DOCK3: variants seen among roughly 807,000 people sequenced by gnomAD.
DOCK3 encodes dedicator of cytokinesis 3, also known as dedicator of cytokinesis protein 3.
Under a neutral mutation model 265.6 loss-of-function variants are expected in DOCK3, and 60 were observed. The ratio of observed to expected loss-of-function variants is 0.23; its 90% CI spans 0.18 to 0.28. DOCK3 has a LOEUF of 0.28. DOCK3 is among the 10% of genes least tolerant of loss of function. The pLI is 1.00. For synonymous variants in DOCK3, 881 were observed against 938.0 expected (o/e 0.94, Z 1.11); for missense variants, 1,981 against 2,594.3 (o/e 0.76, Z 5.14).
chr3:51,126,997 C>G (rs2084294250), intron 9 of DOCK3, among the ~76,000 whole-genome samples: 1 of 152,028 alleles, frequency 6.6e-6, no homozygotes, highest in Admixed American at 6.6e-5. Context: ...AGTATTAACT[C>G]ACACGATCCC....
chr3:50,849,221 G>A (rs748923590), intron 3 of DOCK3, among the ~76,000 whole-genome samples: 5 of 151,892 alleles, frequency 3.3e-5, no homozygotes, highest in Non-Finnish European at 5.9e-5. Flanking sequence ...TTTTTGTAGA[G>A]ACAGGGTCTT....
intron 5 of DOCK3, among the ~76,000 whole-genome samples, chr3:51,024,733 C>A (rs886327274): frequency 1.2e-4 from 18 of 152,192 alleles, no homozygotes; most frequent in African/African-American, 4.1e-4. Flanking sequence ...TGCAGTCATC[C>A]TGAATTGTTC....
Position 51,064,473 on chromosome 3 carries a change from A to G in DOCK3, c.341A>G (p.Lys114Arg), listed in dbSNP as rs767986650. The change falls in exon 6 of 53, where the codon AAA (lysine) becomes AGA (arginine). Residue 114 changes from lysine (K) to arginine (R), a missense_variant. This residue lies in a region of DOCK3 where 456 missense variants were observed against 539.0 expected (regional missense o/e 0.85). Coordinates refer to ENST00000266037, the MANE Select transcript of DOCK3 (RefSeq NM_004947.5). The stretch of plus-strand genomic sequence containing the variant: ...AAACACAAAGTAGATCTTTTCTACA[A>G]ACTACGCCATGTGATGAATGAACTT... Reference protein sequence around the residue: ...YVKHKVDLFYKLRHVMNELID... With the variant: ...YVKHKVDLFYRLRHVMNELID... The G allele has an allele frequency of 2.5e-6, 4 of 1,614,020 alleles. No homozygotes were observed. Among genetic ancestry groups the G allele is most frequent in the South Asian group, 2.2e-5 (2 of 91,080 alleles).
rs1358764458 is a variant in DOCK3 at position 51,347,588 on chromosome 3, G to T, written c.3916-1264G>T. ...CAGGTAGCGTGATGCCTCCAGCTTT[G>T]TTCTTTTTGCTTAGGATTGTCTTGG... On this transcript the variant is annotated intron_variant, in intron 38 of 52. Coordinates refer to ENST00000266037, the MANE Select transcript of DOCK3 (RefSeq NM_004947.5). 5.3e-5 allele frequency among the ~76,000 whole-genome samples: 8 copies of T among 152,300 alleles called. No individual in the cohort carries two copies. The East Asian group carries it at 1.5e-3, about 29-fold the overall frequency.
Position 51,330,122 on chromosome 3 carries a change from C to T in DOCK3, c.3403-16C>T, listed in dbSNP as rs1298260508. 6.3e-7 allele frequency: 1 copy of T among 1,587,154 alleles called. No homozygotes were observed. Among genetic ancestry groups the T allele is most frequent in the Non-Finnish European group, 8.6e-7 (1 of 1,166,522 alleles). Reference sequence around the variant, plus strand: ...TGAGGTCATCTCAGGTTTATGAAGTCTCTGCTTCCTTCTAGGTGGAGGCCG... The same window carrying T: ...TGAGGTCATCTCAGGTTTATGAAGTTTCTGCTTCCTTCTAGGTGGAGGCCG... On this transcript the variant is annotated splice_polypyrimidine_tract_variant and intron_variant, in intron 32 of 52. Transcript: ENST00000266037.
intron 41 of DOCK3, among the ~76,000 whole-genome samples, chr3:51,355,446 T>G (rs979277146): frequency 7.9e-5 from 12 of 152,156 alleles, no homozygotes; most frequent in Non-Finnish European, 2.9e-5. Context: ...TGTTGTCCCT[T>G]CTCTTCATCA....
intron 4 of DOCK3, among the ~76,000 whole-genome samples, chr3:50,891,211 A>G (rs945275576): frequency 3.3e-5 from 5 of 152,090 alleles, no homozygotes; most frequent in African/African-American, 1.2e-4. Flanking sequence ...CCAGCTGGCA[A>G]AGGAGACTGC....
intron 23 of DOCK3, among the ~76,000 whole-genome samples, chr3:51,269,052 CCTT>C (rs1202052202): frequency 2.0e-5 from 3 of 151,172 alleles, no homozygotes; most frequent in African/African-American, 4.9e-5. Flanking sequence ...GAGAATCAGA[CCTT>C]CTTCTTTGGT....
intron 5 of DOCK3, among the ~76,000 whole-genome samples, chr3:50,946,473 T>C (rs2076431277): frequency 6.6e-6 from 1 of 152,240 alleles, no homozygotes; most frequent in African/African-American, 2.4e-5. Context: ...GTGTATTTCA[T>C]CTTAGCTAGG....
At chr3:51,348,048 A>G (rs922002714) in intron 38 of DOCK3, among the ~76,000 whole-genome samples, 22 of 152,294 alleles carry the variant, frequency 1.4e-4, no homozygotes, top group East Asian at 3.9e-4. Context: ...GGCTGAGACA[A>G]TGGGGTTTTC....
intron 5 of DOCK3, among the ~76,000 whole-genome samples, chr3:50,985,827 A>G (rs1169406138): frequency 6.6e-6 from 1 of 151,648 alleles, no homozygotes; most frequent in South Asian, 2.1e-4. Context: ...TATTTATTAA[A>G]TTAAATTAAT....
At chr3:51,362,772 C>T in intron 49 of DOCK3, 98 bp downstream of exon 49, 3 of 1,476,450 alleles carry the variant, frequency 2.0e-6, no homozygotes, top group South Asian at 2.6e-5. Context: ...TTGAGCAGCC[C>T]TGTGACTTAG....
intron 5 of DOCK3, among the ~76,000 whole-genome samples, chr3:51,040,475 T>C (rs1465872814): frequency 6.6e-6 from 1 of 152,228 alleles, no homozygotes; most frequent in Non-Finnish European, 1.5e-5. Flanking sequence ...CAGCCAGTCA[T>C]GATCTTTTCT....
intron 5 of DOCK3, among the ~76,000 whole-genome samples, chr3:50,979,929 G>A (rs1437463539): frequency 6.6e-6 from 1 of 152,016 alleles, no homozygotes; most frequent in Non-Finnish European, 1.5e-5. Flanking sequence ...TCTGTTTCCC[G>A]ACTTGTATGC....
intron 35 of DOCK3, among the ~76,000 whole-genome samples, chr3:51,334,964 T>G (rs1188243934): frequency 6.6e-6 from 1 of 152,138 alleles, no homozygotes; most frequent in Non-Finnish European, 1.5e-5. Context: ...CACTGGCCTT[T>G]ACTCACTTCT....
At chr3:51,249,045 C>G (rs1200756861) in intron 22 of DOCK3, among the ~76,000 whole-genome samples, 1 of 148,474 alleles carries the variant, frequency 6.7e-6, no homozygotes, top group Non-Finnish European at 1.5e-5. Context: ...GCAGCCACCC[C>G]GTCTGGGAAG....
At chr3:51,367,018 A>T (rs2087241228) in intron 49 of DOCK3, among the ~76,000 whole-genome samples, 1 of 152,178 alleles carries the variant, frequency 6.6e-6, no homozygotes, top group Non-Finnish European at 1.5e-5. Flanking sequence ...TTTGGTGCAG[A>T]GCTGAGTTCA....
At chr3:50,978,853 C>T (rs916112710) in intron 5 of DOCK3, among the ~76,000 whole-genome samples, 2 of 152,168 alleles carry the variant, frequency 1.3e-5, no homozygotes, top group East Asian at 1.9e-4. Flanking sequence ...TGTGGTGTGC[C>T]GTTTTTTAAG....
At chr3:51,145,778 G>A (rs893395389) in intron 9 of DOCK3, among the ~76,000 whole-genome samples, 1 of 152,152 alleles carries the variant, frequency 6.6e-6, no homozygotes, top group Non-Finnish European at 1.5e-5. Flanking sequence ...TTTGGCACCA[G>A]TGACCAATTT....
Sources: allele counts gnomAD v4.1 joint callset (sites outside exome capture counted in the v4.1 genomes callset), GRCh38; gene constraint gnomAD v4.1.1; regional missense constraint gnomAD v4.1.1; transcripts MANE v1.5; gene names NCBI Gene and HGNC (gene_info 2026-07-23, HGNC 2026-07-21).